ADCY2: variants seen among roughly 807,000 people sequenced by gnomAD.
The protein encoded by ADCY2 is adenylate cyclase type 2.
Under a neutral mutation model 125.2 loss-of-function variants are expected in ADCY2, and 31 were observed. That is an observed-to-expected ratio of 0.25 (90% CI 0.19 to 0.33). ADCY2 has a LOEUF of 0.33. ADCY2 is among the 10% of genes least tolerant of loss of function. ADCY2 has a pLI of 1.00. For synonymous variants in ADCY2, 512 were observed against 548.4 expected (o/e 0.93, Z 0.93); for missense variants, 904 against 1,418.2 (o/e 0.64, Z 5.82).
chr5:7,459,754 C>A (rs1003722643), intron 2 of ADCY2, among the ~76,000 whole-genome samples: 2 of 132,948 alleles, frequency 1.5e-5, no homozygotes, highest in Non-Finnish European at 3.1e-5. Context: ...AATGAACTAT[C>A]TAGCAGTTTA....
At chr5:7,766,861 T>A in intron 17 of ADCY2, 55 bp downstream of exon 17, 1 of 1,569,644 alleles carries the variant, frequency 6.4e-7, no homozygotes, top group Non-Finnish European at 8.6e-7. Context: ...GCTCGTAGTC[T>A]GTATAACATA....
chr5:7,446,630 C>T (rs554338357), intron 2 of ADCY2, among the ~76,000 whole-genome samples: 35 of 151,970 alleles, frequency 2.3e-4, no homozygotes, highest in East Asian at 5.8e-4. Context: ...TTTTGTAACC[C>T]GAAAGTCTTG....
chr5:7,620,848 A>G (rs1737929946), intron 3 of ADCY2, among the ~76,000 whole-genome samples: 1 of 151,892 alleles, frequency 6.6e-6, no homozygotes, highest in Non-Finnish European at 1.5e-5. Flanking sequence ...GATGACCTGT[A>G]TCAAATGCTA....
At chr5:7,627,220 G>T (rs1181687776) in intron 4 of ADCY2, among the ~76,000 whole-genome samples, 1 of 152,096 alleles carries the variant, frequency 6.6e-6, no homozygotes, top group Non-Finnish European at 1.5e-5. Flanking sequence ...GTCGTTGTCA[G>T]GGGCATCCTA....
At chr5:7,569,811 T>C (rs984283512) in intron 3 of ADCY2, among the ~76,000 whole-genome samples, 3 of 152,106 alleles carry the variant, frequency 2.0e-5, no homozygotes, top group African/African-American at 7.2e-5. Context: ...GAAAGAAGAC[T>C]GATGTAATTG....
intron 14 of ADCY2, among the ~76,000 whole-genome samples, chr5:7,738,196 A>T (rs1261445341): frequency 6.6e-6 from 1 of 152,116 alleles, no homozygotes; most frequent in Non-Finnish European, 1.5e-5. Context: ...AAACAATGAC[A>T]TGTGACATAT....
At chr5:7,595,442 GATATT>G (rs964080387) in intron 3 of ADCY2, among the ~76,000 whole-genome samples, 1 of 152,136 alleles carries the variant, frequency 6.6e-6, no homozygotes, top group Non-Finnish European at 1.5e-5. Flanking sequence ...TACATGAAAT[GATATT>G]AGTTCCTGGC....
chr5:7,706,465 C>A (rs549054021), intron 7 of ADCY2, among the ~76,000 whole-genome samples: 5 of 152,334 alleles, frequency 3.3e-5, no homozygotes, highest in African/African-American at 1.2e-4. Flanking sequence ...CTGCTTGATA[C>A]ATATTCATTG....
chr5:7,755,447 T>G (rs1357762886), intron 15 of ADCY2, among the ~76,000 whole-genome samples: 3 of 151,034 alleles, frequency 2.0e-5, no homozygotes, highest in Non-Finnish European at 3.0e-5. Flanking sequence ...GAGGAGGAGA[T>G]TTTGTTGTTG....
Position 7,475,936 on chromosome 5 carries a change from A to C in ADCY2, c.409-44802A>C, listed in dbSNP as rs553698492. 3.9e-5 allele frequency among the ~76,000 whole-genome samples: 6 copies of C among 152,352 alleles called. No individual in the cohort carries two copies. In the East Asian group the frequency reaches 7.7e-4, roughly 20 times the overall value. The stretch of plus-strand genomic sequence containing the variant: ...ATATATACATTCTTCTAATTAAAAA[A>C]ATCTTCTCATATGTGAGTAATGTAC... On this transcript the variant is annotated intron_variant, in intron 2 of 24. Transcript: ENST00000338316.
intron 3 of ADCY2, among the ~76,000 whole-genome samples, chr5:7,608,679 G>T (rs1737468266): frequency 6.6e-6 from 1 of 152,070 alleles, no homozygotes; most frequent in African/African-American, 2.4e-5. Context: ...ATTCCTACCT[G>T]GCCCCTCATG....
chr5:7,677,192 C>T (rs944144417), intron 4 of ADCY2, among the ~76,000 whole-genome samples: 3 of 151,994 alleles, frequency 2.0e-5, no homozygotes, highest in Non-Finnish European at 4.4e-5. Context: ...GCAGGAGAAT[C>T]GCTTGAACGC....
chr5:7,710,054 C>G (rs1233731584), intron 10 of ADCY2, among the ~76,000 whole-genome samples: 1 of 152,106 alleles, frequency 6.6e-6, no homozygotes, highest in Non-Finnish European at 1.5e-5. Flanking sequence ...ATTAAATGTG[C>G]TAAGGATGCA....
intron 21 of ADCY2, among the ~76,000 whole-genome samples, chr5:7,803,043 G>A (rs1744647850): frequency 1.3e-5 from 2 of 152,176 alleles, no homozygotes; most frequent in South Asian, 4.1e-4. Flanking sequence ...TTGAAATACA[G>A]TGATGAGATT....
At chr5:7,446,948 A>G (rs1407103568) in intron 2 of ADCY2, among the ~76,000 whole-genome samples, 1 of 152,160 alleles carries the variant, frequency 6.6e-6, no homozygotes, top group African/African-American at 2.4e-5. Flanking sequence ...AGCACTACCA[A>G]AATTAATGAG....
At chr5:7,745,339 T>G (rs1742564820) in intron 15 of ADCY2, among the ~76,000 whole-genome samples, 1 of 152,184 alleles carries the variant, frequency 6.6e-6, no homozygotes, top group Admixed American at 6.5e-5. Flanking sequence ...CAAACTTGTG[T>G]GGATTTTGTT....
intron 4 of ADCY2, among the ~76,000 whole-genome samples, chr5:7,671,556 G>T (rs1303217109): frequency 6.6e-6 from 1 of 152,158 alleles, no homozygotes; most frequent in East Asian, 1.9e-4. Flanking sequence ...TGTTCACTAT[G>T]AGTGTGGTGG....
At chr5:7,690,106 A>T in intron 4 of ADCY2, among the ~76,000 whole-genome samples, 1 of 152,190 alleles carries the variant, frequency 6.6e-6, no homozygotes. Flanking sequence ...CTTGTGTTCC[A>T]CCTGTAGTTT....
At chr5:7,789,521 T>G in intron 19 of ADCY2, 121 bp from the exon 20 acceptor site, 1 of 939,924 alleles carries the variant, frequency 1.1e-6, no homozygotes, top group Non-Finnish European at 1.6e-6. Context: ...AGGGTGGAAG[T>G]TCTGTTTGGG....
Sources: allele counts gnomAD v4.1 joint callset (sites outside exome capture counted in the v4.1 genomes callset), GRCh38; gene constraint gnomAD v4.1.1; transcripts MANE v1.5; gene names NCBI Gene and HGNC (gene_info 2026-07-23, HGNC 2026-07-21).